The following KDM4C variants were observed in gnomAD, a reference collection of about 807,000 sequenced individuals.
KDM4C encodes the protein lysine-specific demethylase 4C.
A neutral mutation model predicts 129.3 loss-of-function variants in KDM4C; 81 were observed. The ratio of observed to expected loss-of-function variants is 0.63; its 90% CI spans 0.52 to 0.75. KDM4C has a LOEUF of 0.75. KDM4C is among the 30% of genes least tolerant of loss of function. KDM4C has a pLI of 0.00. For synonymous variants in KDM4C, 573 were observed against 456.1 expected (o/e 1.26, Z -3.26); for missense variants, 1,457 against 1,304.0 (o/e 1.12, Z -1.81).
chr9:6,735,466 T>C lies in KDM4C; in HGVS notation c.49+14469T>C, dbSNP rs140900672. 3.3e-3 allele frequency among the ~76,000 whole-genome samples: 503 copies of C among 152,320 alleles called. 4 individuals carry two copies. Among genetic ancestry groups the C allele is most frequent in the African/African-American group, 0.012 (485 of 41,576 alleles). On this transcript the variant is annotated intron_variant, in intron 1 of 17. Transcript: ENST00000536108. ...TAACTCCCATAATTCCCACATATCA[T>C]GGGAGGAACCTGGTGGGAGGTGATT... is the stretch of plus-strand genomic sequence containing the variant.
chr9:6,856,596 CAG>C (rs1839890179), intron 5 of KDM4C, among the ~76,000 whole-genome samples: 2 of 132,770 alleles, frequency 1.5e-5, no homozygotes, highest in African/African-American at 6.0e-5. Context: ...TTTTTTGAGA[CAG>C]AGTCTCACTC....
At chr9:7,029,440 TA>T (rs1175980916) in intron 15 of KDM4C, among the ~76,000 whole-genome samples, 2 of 152,044 alleles carry the variant, frequency 1.3e-5, no homozygotes, top group Non-Finnish European at 2.9e-5. Flanking sequence ...CCTAAATGTT[TA>T]CCTCTATTCC....
intron 4 of KDM4C, among the ~76,000 whole-genome samples, chr9:6,825,111 ACTCCAGC>A (rs1403415601): frequency 1.4e-5 from 2 of 145,526 alleles, no homozygotes; most frequent in East Asian, 4.1e-4. Context: ...GTGCCATTGC[ACTCCAGC>A]CTGGGCAACC....
At chr9:6,920,800 A>C (rs1170570889) in intron 8 of KDM4C, among the ~76,000 whole-genome samples, 1 of 152,116 alleles carries the variant, frequency 6.6e-6, no homozygotes, top group African/African-American at 2.4e-5. Context: ...TCTGGATCTT[A>C]GGCAGGTAAA....
chr9:7,080,130 C>G (rs896887335), intron 17 of KDM4C, among the ~76,000 whole-genome samples: 4 of 152,186 alleles, frequency 2.6e-5, no homozygotes, highest in African/African-American at 9.7e-5. Flanking sequence ...ATGGTGTCTT[C>G]TTGGTCCACA....
intron 5 of KDM4C, among the ~76,000 whole-genome samples, chr9:6,871,226 A>G (rs1358232225): frequency 1.3e-5 from 2 of 152,240 alleles, no homozygotes; most frequent in Admixed American, 1.3e-4. Context: ...AACTTGAACT[A>G]GAGAAAGTAG....
At chr9:7,040,630 C>T (rs1321874640) in intron 15 of KDM4C, among the ~76,000 whole-genome samples, 3 of 151,234 alleles carry the variant, frequency 2.0e-5, no homozygotes, top group Admixed American at 1.3e-4. Context: ...TCTATTTTTC[C>T]TTTTTTTTTA....
At chr9:6,838,629 A>G (rs1836318924) in intron 4 of KDM4C, among the ~76,000 whole-genome samples, 1 of 152,168 alleles carries the variant, frequency 6.6e-6, no homozygotes, top group Admixed American at 6.5e-5. Context: ...TTCTTTCAAA[A>G]CTTGCTATAT....
At chr9:7,015,158 A>G (rs1236517198) in intron 14 of KDM4C, among the ~76,000 whole-genome samples, 1 of 152,070 alleles carries the variant, frequency 6.6e-6, no homozygotes, top group African/African-American at 2.4e-5. Flanking sequence ...TTTTCATCTC[A>G]AATGTTACAG....
intron 4 of KDM4C, among the ~76,000 whole-genome samples, chr9:6,815,624 C>G (rs190872538): frequency 1.5e-3 from 235 of 152,332 alleles, no homozygotes; most frequent in African/African-American, 5.4e-3. Context: ...CATCCTTCAT[C>G]CAGAAATCCA....
chr9:6,721,509 C>T (rs1445464463), intron 1 of KDM4C, among the ~76,000 whole-genome samples: 1 of 151,660 alleles, frequency 6.6e-6, no homozygotes, highest in Non-Finnish European at 1.5e-5. Flanking sequence ...GTCTCAAACT[C>T]CTGGCCTTAA....
chr9:6,823,869 T>A (rs1333683825), intron 4 of KDM4C, among the ~76,000 whole-genome samples: 1 of 152,232 alleles, frequency 6.6e-6, no homozygotes, highest in Non-Finnish European at 1.5e-5. Context: ...TTCGTAGGCT[T>A]CTGTAGGTCT....
At chr9:6,970,799 C>T (rs536031756) in intron 8 of KDM4C, among the ~76,000 whole-genome samples, 1 of 140,596 alleles carries the variant, frequency 7.1e-6, no homozygotes, top group Admixed American at 7.1e-5. Context: ...TCCCACCCCC[C>T]GCCCCTAACC....
intron 8 of KDM4C, among the ~76,000 whole-genome samples, chr9:6,950,611 CTG>C (rs1376353942): frequency 4.6e-5 from 7 of 152,208 alleles, no homozygotes; most frequent in Non-Finnish European, 1.0e-4. Context: ...GAGATTATCT[CTG>C]TATTCTGTTT....
intron 19 of KDM4C, 145 bp from the exon 20 acceptor site, chr9:7,165,093 C>A (rs1844235818): frequency 1.1e-6 from 1 of 910,814 alleles, no homozygotes; most frequent in African/African-American, 1.7e-5. Flanking sequence ...CATATCTCTT[C>A]CCCTGAACAC....
chr9:7,075,756 G>A (rs1229330721), intron 17 of KDM4C, among the ~76,000 whole-genome samples: 2 of 151,834 alleles, frequency 1.3e-5, no homozygotes, highest in Non-Finnish European at 2.9e-5. Flanking sequence ...ACAAGCTGGT[G>A]AAGAAAAGAG....
chr9:6,819,128 A>T (rs115699579), intron 4 of KDM4C: 2 of 152,034 alleles, frequency 1.3e-5, no homozygotes, highest in Non-Finnish European at 2.9e-5. Context: ...TTATTTTTGT[A>T]TATATGATTA....
intron 1 of KDM4C, among the ~76,000 whole-genome samples, chr9:6,721,734 G>A (rs1249493149): frequency 6.6e-6 from 1 of 151,840 alleles, no homozygotes; most frequent in Non-Finnish European, 1.5e-5. Flanking sequence ...GATTACAGGT[G>A]CCTGCCGCCA....
At chr9:6,976,323 A>G (rs1316746488) in intron 8 of KDM4C, among the ~76,000 whole-genome samples, 1 of 152,226 alleles carries the variant, frequency 6.6e-6, no homozygotes, top group Non-Finnish European at 1.5e-5. Context: ...AAGTCATAAT[A>G]CAAGTTAGAA....
Sources: allele counts gnomAD v4.1 joint callset (sites outside exome capture counted in the v4.1 genomes callset), GRCh38; gene constraint gnomAD v4.1.1; transcripts MANE v1.5; gene names NCBI Gene and HGNC (gene_info 2026-07-23, HGNC 2026-07-21).